Variants in PDSS2 observed in about 807,000 individuals in gnomAD.
PDSS2 encodes the protein all trans-polyprenyl-diphosphate synthase PDSS2.
Under a neutral mutation model 44.5 loss-of-function variants are expected in PDSS2, and 31 were observed. That is an observed-to-expected ratio of 0.70 (90% confidence interval 0.52 to 0.94). The LOEUF is 0.94. PDSS2 is among the 40% of genes least tolerant of loss of function. The pLI is 0.00. For missense variants in PDSS2, 452 were observed against 482.2 expected (o/e 0.94, Z 0.59); for synonymous variants, 157 against 180.3 (o/e 0.87, Z 1.03).
chr6:107,161,914 C>T lies in PDSS2; in HGVS notation c.1042-7137G>A, dbSNP rs6931653. ...TCTGATCCATTTGAAAGTAAACCGC[C>T]GATAGTGATATGCTAGTAAATTAGT... On this transcript the variant is annotated intron_variant, in intron 7 of 7. Transcript: ENST00000369037. Among the ~76,000 whole-genome samples the T allele has an allele frequency of 8.6e-4, 131 of 152,090 alleles. 2 individuals carry two copies. The highest frequency in any genetic ancestry group is 2.9e-3 in the African/African-American group (120 of 41,472).
intron 2 of PDSS2, among the ~76,000 whole-genome samples, chr6:107,313,338 T>C (rs1232079317): frequency 6.6e-6 from 1 of 152,142 alleles, no homozygotes; most frequent in Admixed American, 6.6e-5. Context: ...TAGGCTTAAA[T>C]TTGTTTTGTT....
intron 7 of PDSS2, among the ~76,000 whole-genome samples, chr6:107,187,403 G>A (rs1582755947): frequency 1.3e-5 from 2 of 152,148 alleles, no homozygotes; most frequent in East Asian, 3.9e-4. Context: ...GGTGGCTCAC[G>A]CCTGTAATTC....
intron 7 of PDSS2, among the ~76,000 whole-genome samples, chr6:107,178,358 A>G (rs1771864937): frequency 6.6e-6 from 1 of 152,216 alleles, no homozygotes. Flanking sequence ...CAAGATTAAC[A>G]GCTCTTCCAA....
chr6:107,326,315 G>T (rs1418122114), intron 2 of PDSS2, among the ~76,000 whole-genome samples: 1 of 151,102 alleles, frequency 6.6e-6, no homozygotes, highest in African/African-American at 2.4e-5. Flanking sequence ...TTGCCATGTT[G>T]GCCAGGCTGG....
intron 6 of PDSS2, among the ~76,000 whole-genome samples, chr6:107,202,888 T>C (rs554394393): frequency 2.0e-5 from 3 of 152,070 alleles, no homozygotes; most frequent in South Asian, 4.2e-4. Flanking sequence ...ATACTAGATA[T>C]ACTAGAGTAA....
intron 2 of PDSS2, among the ~76,000 whole-genome samples, chr6:107,309,264 T>C (rs1264932759): frequency 1.3e-5 from 2 of 152,170 alleles, no homozygotes; most frequent in Non-Finnish European, 2.9e-5. Flanking sequence ...TGCCCTGCTG[T>C]GGTCTAAAAC....
chr6:107,430,491 T>TTCTA (rs1781161401), intron 1 of PDSS2, among the ~76,000 whole-genome samples: 1 of 137,264 alleles, frequency 7.3e-6, no homozygotes, highest in African/African-American at 2.8e-5. Context: ...CACAGCAAGA[T>TTCTA]TCTATCTCAA....
intron 2 of PDSS2, among the ~76,000 whole-genome samples, chr6:107,320,121 C>T (rs933097096): frequency 2.6e-5 from 4 of 151,316 alleles, no homozygotes; most frequent in Admixed American, 6.6e-5. Context: ...AACATTTTTA[C>T]ATAGCCTGCT....
chr6:107,459,129 C>T lies in PDSS2; in HGVS notation c.157G>A (p.Val53Met). 6.2e-7 allele frequency: 1 copy of T among 1,614,184 alleles called. No individual in the cohort carries two copies. Among genetic ancestry groups the T allele is most frequent in the South Asian group, 1.1e-5 (1 of 91,088 alleles). Residue 53 changes from valine to methionine, a missense_variant, in exon 1 of 8, where the codon GTG becomes ATG. Transcript: ENST00000369037. The surrounding 1 kb of genome is among the most constrained non-coding windows in gnomAD (Gnocchi z 4.3). ...CCCACGATCTTCTCCGCCTCTGACA[C>T]TACCTGATTCCAGTGGGCCGGGGAC... ...SKSPAHWNQV[V>M]SEAEKIVGYP...
chr6:107,203,281 A>G (rs1458613887), intron 6 of PDSS2, among the ~76,000 whole-genome samples: 1 of 152,160 alleles, frequency 6.6e-6, no homozygotes, highest in African/African-American at 2.4e-5. Context: ...TCCTTGTTTT[A>G]GCCTCTGAGT....
intron 2 of PDSS2, among the ~76,000 whole-genome samples, chr6:107,318,718 G>A (rs567635739): frequency 6.6e-6 from 1 of 152,240 alleles, no homozygotes; most frequent in South Asian, 2.1e-4. Flanking sequence ...GGGCACGGTG[G>A]CTCACGCCTG....
intron 2 of PDSS2, among the ~76,000 whole-genome samples, chr6:107,333,269 T>C (rs1777768728): frequency 6.6e-6 from 1 of 152,212 alleles, no homozygotes; most frequent in South Asian, 2.1e-4. Flanking sequence ...AGGCTTTTAA[T>C]ACAGTGCCAA....
chr6:107,277,346 A>C (rs1362904790), intron 2 of PDSS2, among the ~76,000 whole-genome samples: 1 of 152,242 alleles, frequency 6.6e-6, no homozygotes, highest in Non-Finnish European at 1.5e-5. Context: ...AGAAAACGTG[A>C]CCAAAGGTTG....
intron 2 of PDSS2, among the ~76,000 whole-genome samples, chr6:107,275,391 GT>G (rs1443492560): frequency 2.0e-5 from 3 of 152,102 alleles, no homozygotes; most frequent in Non-Finnish European, 4.4e-5. Context: ...CTGAAAATCT[GT>G]TGGTATCTGC....
intron 6 of PDSS2, among the ~76,000 whole-genome samples, chr6:107,207,082 T>G (rs1432326187): frequency 6.6e-6 from 1 of 152,106 alleles, no homozygotes; most frequent in East Asian, 1.9e-4. Flanking sequence ...AACCTCCGCT[T>G]CCTGGGTTCA....
At chr6:107,284,064 T>A (rs567660397) in intron 2 of PDSS2, among the ~76,000 whole-genome samples, 23 of 149,530 alleles carry the variant, frequency 1.5e-4, no homozygotes, top group Non-Finnish European at 3.0e-4. Flanking sequence ...AATAAATAAA[T>A]AAAAATAAAA....
chr6:107,429,468 G>A (rs1317884150), intron 1 of PDSS2, among the ~76,000 whole-genome samples: 1 of 152,138 alleles, frequency 6.6e-6, no homozygotes, highest in Admixed American at 6.5e-5. Context: ...AGTCCATAAA[G>A]CTAGACTGGA....
intron 1 of PDSS2, among the ~76,000 whole-genome samples, chr6:107,375,897 A>G (rs2500561): frequency 0.53 from 79,957 of 152,084 alleles, 22,267 homozygotes; most frequent in Middle Eastern, 0.73. Context: ...AAATTTGTAT[A>G]AAGAAAAATC....
Position 107,257,962 on chromosome 6 carries a change from A to AC in PDSS2, c.631-12344dup, listed in dbSNP as rs1775080884. 1.3e-5 allele frequency among the ~76,000 whole-genome samples: 2 copies of AC among 152,178 alleles called. 1 individual carries two copies. The highest frequency in any genetic ancestry group is 2.9e-5 in the Non-Finnish European group (2 of 68,034). On this transcript the variant is annotated intron_variant, in intron 3 of 7. Coordinates refer to ENST00000369037, the MANE Select transcript of PDSS2 (RefSeq NM_020381.4). ...ATTTCTCATGCTTCATGCAATGCAC[A>AC]CACAAAAATTTTTTTTGAATTAACA... is the stretch of plus-strand genomic sequence containing the variant.
Sources: gnomAD v4.1 joint callset for allele counts (sites outside exome capture counted in the v4.1 genomes callset) on GRCh38, gnomAD v4.1.1 for gene constraint, Gnocchi (gnomAD v3.1) non-coding constraint, MANE v1.5 for transcripts, NCBI Gene and HGNC (gene_info 2026-07-23, HGNC 2026-07-21) for gene names.